ACBD5: variants seen among roughly 807,000 people sequenced by gnomAD.
ACBD5 encodes acyl-CoA-binding domain-containing protein 5.
In ACBD5, 40 loss-of-function variants were observed where a neutral mutation model predicts 71.8. The observed-to-expected ratio is 0.56, with a 90% CI of 0.43 to 0.72. ACBD5 has a LOEUF of 0.72. ACBD5 is among the 30% of genes least tolerant of loss of function. The probability of loss-of-function intolerance (pLI) is 0.00; values close to 1 mark genes in which losing one functional copy is unlikely to be tolerated. For synonymous variants in ACBD5, 229 were observed against 218.6 expected (o/e 1.05, Z -0.42); for missense variants, 559 against 644.5 (o/e 0.87, Z 1.44).
intron 11 of ACBD5, 54 bp downstream of exon 11, chr10:27,205,144 A>AAAACAG: frequency 6.4e-7 from 1 of 1,559,394 alleles, no homozygotes; most frequent in Non-Finnish European, 8.8e-7. Context: ...AACAAAAACA[A>AAAACAG]CAACAAAAAA....
intron 8 of ACBD5, 111 bp downstream of exon 8, chr10:27,215,424 G>C: frequency 1.4e-6 from 1 of 735,014 alleles, no homozygotes; most frequent in Non-Finnish European, 2.4e-6. Context: ...CATTTTAGGA[G>C]TATCTTTTCA....
intron 7 of ACBD5, 40 bp downstream of exon 7, chr10:27,217,940 T>C (rs1424932609): frequency 6.4e-7 from 1 of 1,564,340 alleles, no homozygotes; most frequent in African/African-American, 1.4e-5. Context: ...AGACTATTCA[T>C]AGGAAAGAGG....
At chr10:27,217,145 C>CAAA (rs375519969) in intron 7 of ACBD5, among the ~76,000 whole-genome samples, 5,742 of 83,096 alleles carry the variant, frequency 0.069, 366 homozygotes, top group Non-Finnish European at 0.08. Context: ...GACTCTGTCT[C>CAAA]AAAAAAAAAA....
At chr10:27,217,912 G>A (rs1297607605) in intron 7 of ACBD5, 68 bp downstream of exon 7, 1 of 1,348,730 alleles carries the variant, frequency 7.4e-7, no homozygotes, top group East Asian at 2.4e-5. Context: ...TGATCCTAAA[G>A]ATCCTATAAT....
At position 27,223,443 on chromosome 10, in the gene ACBD5, T is replaced by A; in HGVS notation, c.385A>T (p.Thr129Ser). ...TCAACTTTCTCAGTCATTGGCATAG[T>A]TTCAATAATCTGTAATCAAAAGAAA... ...YVEEMKKIIETMPMTEKVEEL... is the reference protein window; with the variant it reads ...YVEEMKKIIESMPMTEKVEEL... The change falls in exon 5 of 13, where the codon ACT becomes TCT. Residue 129 changes from threonine (T) to serine (S), a missense_variant. Thr to Ser is a moderately conservative substitution (Grantham distance 58). Coordinates refer to ENST00000396271, the MANE Select transcript of ACBD5 (RefSeq NM_145698.5). 5 of 1,611,492 alleles carry A rather than the reference T, an allele frequency of 3.1e-6. No individual in the cohort carries two copies. Among genetic ancestry groups the A allele is most frequent in the Non-Finnish European group, 4.2e-6 (5 of 1,178,500 alleles).
At chr10:27,238,504 C>CT (rs2065048246) in intron 2 of ACBD5, among the ~76,000 whole-genome samples, 1 of 152,154 alleles carries the variant, frequency 6.6e-6, no homozygotes, top group African/African-American at 2.4e-5. Context: ...TCTATAAACA[C>CT]TAATAATTAG....
At position 27,217,960 on chromosome 10, in the gene ACBD5, G is replaced by T. The variant is rs1333771070; in HGVS notation, c.829+20C>A. ...ATTCATAGGAAAGAGGCTGGACACA[G>T]AATTATTTGGGGACAATACCTTGGT... On this transcript the variant is annotated intron_variant, in intron 7 of 12. Transcript: ENST00000396271. The T allele has an allele frequency of 7.5e-6, 12 of 1,610,198 alleles. No individual in the cohort carries two copies. The highest frequency in any genetic ancestry group is 2.7e-5 in the African/African-American group (2 of 74,852).
chr10:27,218,881 C>T (rs1170610203), intron 6 of ACBD5, among the ~76,000 whole-genome samples: 2 of 152,100 alleles, frequency 1.3e-5, no homozygotes, highest in Non-Finnish European at 2.9e-5. Context: ...CAACCGTGCC[C>T]GGCCGCAGTT....
chr10:27,211,126 T>A, intron 8 of ACBD5, 45 bp from the exon 9 acceptor site: 2 of 1,598,288 alleles, frequency 1.3e-6, no homozygotes, highest in Non-Finnish European at 1.7e-6. Context: ...GAAATGTGAA[T>A]TATACACCAC....
At chr10:27,182,970 T>G (rs985456503) in intron 13 of ACBD5, among the ~76,000 whole-genome samples, 2 of 152,138 alleles carry the variant, frequency 1.3e-5, no homozygotes, top group Admixed American at 1.3e-4. Context: ...GTTAGTGTCT[T>G]GGGTTTTTCA....
chr10:27,240,516 T>G lies in ACBD5; in HGVS notation c.16-32A>C. The G allele has an allele frequency of 1.3e-6, 2 of 1,574,410 alleles. No individual in the cohort carries two copies. Among genetic ancestry groups the G allele is most frequent in the Non-Finnish European group, 1.7e-6 (2 of 1,158,882 alleles). On this transcript the variant is annotated intron_variant, in intron 1 of 12. Coordinates refer to ENST00000396271, the MANE Select transcript of ACBD5 (RefSeq NM_145698.5). This position sits in a 1 kb window ranked among gnomAD's most constrained non-coding sequence, Gnocchi z 4.1. ...CATGGAGCGCAGCCGCGGATCAACATGCCCCAAAAGGAGGAGGCCCGGGAG... is the reference window on the plus strand; with the variant it reads ...CATGGAGCGCAGCCGCGGATCAACAGGCCCCAAAAGGAGGAGGCCCGGGAG...
chr10:27,217,878 A>G (rs1160308111), intron 7 of ACBD5, 102 bp downstream of exon 7: 1 of 1,089,914 alleles, frequency 9.2e-7, no homozygotes, highest in East Asian at 2.6e-5. Context: ...AGATATTATT[A>G]AATAAGAGAT....
intron 11 of ACBD5, 56 bp downstream of exon 11, chr10:27,205,139 AAAC>A: frequency 1.9e-6 from 3 of 1,551,224 alleles, no homozygotes; most frequent in Non-Finnish European, 2.7e-6. Flanking sequence ...ACAAAAACAA[AAAC>A]AACAACAAAA....
chr10:27,219,601 A>C, intron 6 of ACBD5, 122 bp downstream of exon 6: 1 of 1,349,090 alleles, frequency 7.4e-7, no homozygotes, highest in Non-Finnish European at 1.0e-6. Context: ...CTTGTTTATA[A>C]GGTCAACAGC....
intron 3 of ACBD5, among the ~76,000 whole-genome samples, chr10:27,232,908 T>TA (rs2064086181): frequency 6.6e-6 from 1 of 152,136 alleles, no homozygotes; most frequent in Non-Finnish European, 1.5e-5. Context: ...TAAATCTTCT[T>TA]AAAATGGGCA....
Position 27,196,332 on chromosome 10 carries a change from T to C in ACBD5, c.*1098A>G, listed in dbSNP as rs1390062999. ...AGGATCTAAATTGTAGTCTTCTTTT[T>C]GGTCTAGATGAGAGAGGTGGGGAAG... On this transcript the variant is annotated 3_prime_UTR_variant, in exon 13 of 13. Coordinates refer to ENST00000396271, the MANE Select transcript of ACBD5 (RefSeq NM_145698.5). The C allele has an allele frequency of 8.8e-6, 4 of 454,156 alleles. No homozygotes were observed. Among genetic ancestry groups the C allele is most frequent in the Admixed American group, 7.0e-5 (3 of 42,562 alleles). 28.1% of individuals were successfully genotyped at this position (454,156 alleles called of 1,614,324 possible).
At chr10:27,229,933 G>C (rs2063632086) in intron 4 of ACBD5, among the ~76,000 whole-genome samples, 1 of 151,946 alleles carries the variant, frequency 6.6e-6, no homozygotes, top group Non-Finnish European at 1.5e-5. Context: ...TCTTTCTTAG[G>C]GAAAAAGGCA....
At chr10:27,204,979 T>C (rs1589036337) in intron 11 of ACBD5, among the ~76,000 whole-genome samples, 1 of 151,912 alleles carries the variant, frequency 6.6e-6, no homozygotes, top group East Asian at 1.9e-4. Flanking sequence ...TACAAAAAAT[T>C]AGCCGGGTGT....
At chr10:27,228,009 G>A (rs892327830) in intron 4 of ACBD5, among the ~76,000 whole-genome samples, 1 of 151,612 alleles carries the variant, frequency 6.6e-6, no homozygotes. Flanking sequence ...CACCGCGCCC[G>A]GCCGAGATTC....
Sources: gnomAD v4.1 joint callset for allele counts (sites outside exome capture counted in the v4.1 genomes callset) on GRCh38, gnomAD v4.1.1 for gene constraint, Gnocchi (gnomAD v3.1) non-coding constraint, MANE v1.5 for transcripts, NCBI Gene and HGNC (gene_info 2026-07-23, HGNC 2026-07-21) for gene names.